TASOR: variants seen among roughly 807,000 people sequenced by gnomAD.
The protein encoded by TASOR is transcription activation suppressor, also known as protein TASOR.
In TASOR, 53 loss-of-function variants were observed where a neutral mutation model predicts 178.6. That is an observed-to-expected ratio of 0.30 (90% CI 0.24 to 0.37). TASOR has a LOEUF of 0.37. Among genes scored for constraint, TASOR ranks in the 10% least tolerant of loss-of-function variants. The pLI is 1.00. For missense variants in TASOR, 1,815 were observed against 1,971.4 expected (o/e 0.92, Z 1.50); for synonymous variants, 713 against 696.2 (o/e 1.02, Z -0.38).
At chr3:56,626,737 C>CT (rs1451090923) in intron 21 of TASOR, among the ~76,000 whole-genome samples, 1 of 150,840 alleles carries the variant, frequency 6.6e-6, no homozygotes, top group African/African-American at 2.4e-5. Flanking sequence ...AAGCAAAACT[C>CT]TATCTCAAAA....
chr3:56,624,656 A>G lies in TASOR; in HGVS notation c.4319-13T>C. The G allele has an allele frequency of 1.2e-6, 2 of 1,604,318 alleles. No individual in the cohort carries two copies. The highest frequency in any genetic ancestry group is 1.1e-5 in the South Asian group (1 of 89,712). ...TTGATGTTCTTCTCTAAATTAAGAAAAAAAGTTTCATGTATGAAACACTTC... is the reference window on the plus strand; with the variant it reads ...TTGATGTTCTTCTCTAAATTAAGAAGAAAAGTTTCATGTATGAAACACTTC... On this transcript the variant is annotated splice_polypyrimidine_tract_variant and intron_variant, in intron 22 of 23. Transcript: ENST00000683822.
intron 7 of TASOR, among the ~76,000 whole-genome samples, chr3:56,664,992 C>A (rs1344166477): frequency 2.6e-5 from 4 of 152,104 alleles, no homozygotes; most frequent in African/African-American, 9.7e-5. Context: ...CTGGCCAACA[C>A]AGCAAGACCC....
intron 10 of TASOR, 28 bp downstream of exon 10, chr3:56,660,886 G>A: frequency 1.2e-6 from 2 of 1,604,528 alleles, no homozygotes; most frequent in Non-Finnish European, 1.7e-6. Context: ...TGCTTCTAAT[G>A]CATTTCAATA....
chr3:56,658,144 T>A (rs934497102), intron 11 of TASOR, among the ~76,000 whole-genome samples: 1 of 152,224 alleles, frequency 6.6e-6, no homozygotes, highest in African/African-American at 2.4e-5. Context: ...GACGGAATAA[T>A]CCCAGTGAGG....
At chr3:56,675,252 G>A (rs1422630598) in intron 1 of TASOR, among the ~76,000 whole-genome samples, 1 of 150,592 alleles carries the variant, frequency 6.6e-6, no homozygotes, top group Non-Finnish European at 1.5e-5. Context: ...TTGGTTCACT[G>A]CAACCTCCGC....
chr3:56,625,928 A>G (rs560528254), intron 21 of TASOR, among the ~76,000 whole-genome samples: 1 of 152,192 alleles, frequency 6.6e-6, no homozygotes, highest in African/African-American at 2.4e-5. Flanking sequence ...GGCCAGCTCT[A>G]AGCTGTTTCT....
rs1315972647 is a variant in TASOR, at chr3:56,673,654, G to A, written c.403C>T (p.Leu135Phe). 1 of 1,551,184 alleles carries A rather than the reference G, an allele frequency of 6.4e-7. No individual in the cohort carries two copies. Among genetic ancestry groups the A allele is most frequent in the Admixed American group, 2.0e-5 (1 of 50,956 alleles). Reference protein sequence around the residue: ...DVVNILHSSYLEPTSVTNFNY... With the variant: ...DVVNILHSSYFEPTSVTNFNY... ...AAATTTGTTACTGAGGTTGGTTCAA[G>A]GTAAGAAGAATGGAGAATATTTACA... The change falls in exon 2 of 24, where the codon CTT (leucine) becomes TTT (phenylalanine). Residue 135 changes from leucine to phenylalanine, a missense_variant. Leu to Phe is a conservative substitution (Grantham distance 22). This residue lies in a region of TASOR where 244 missense variants were observed against 202.7 expected (regional missense o/e 1.20). Coordinates refer to ENST00000683822, the MANE Select transcript of TASOR (RefSeq NM_001365635.2).
Position 56,662,459 on chromosome 3 carries a change from C to T in TASOR, c.1086G>A (p.Gln362=), listed in dbSNP as rs1357047473. 6.5e-7 allele frequency: 1 copy of T among 1,540,860 alleles called. No individual in the cohort carries two copies. Among genetic ancestry groups the T allele is most frequent in the Non-Finnish European group, 8.8e-7 (1 of 1,139,524 alleles). The change falls in exon 9 of 24, where the codon CAG becomes CAA. Residue 362 remains glutamine, a synonymous_variant. Coordinates refer to ENST00000683822, the MANE Select transcript of TASOR (RefSeq NM_001365635.2). The part of the protein sequence containing the change: ...DKYNYTLWKG[Q]LLNKGKLLCY... ...ACAAAAGTTTTCCTTTATTTAAAAG[C>T]TGTCCTTTCCACAAGGTATAGTTAT...
In TASOR at chr3:56,621,285, T is replaced by C. The variant is rs928138220; in HGVS notation, c.*1752A>G. On this transcript the variant is annotated 3_prime_UTR_variant, in exon 24 of 24. Transcript: ENST00000683822. Reference sequence around the variant, plus strand: ...ATGACTTCATTTACCCCCATAGTTATGGAGTCTTGAGTTCTAAGAAAATTT... The same window carrying C: ...ATGACTTCATTTACCCCCATAGTTACGGAGTCTTGAGTTCTAAGAAAATTT... 6.5e-6 allele frequency: 2 copies of C among 307,388 alleles called. No individual in the cohort carries two copies. Among genetic ancestry groups the C allele is most frequent in the Non-Finnish European group, 1.2e-5 (2 of 167,328 alleles). The allele number at this position is 307,388 out of a possible 1,614,324, so 19.0% of individuals were successfully genotyped here.
Position 56,621,221 on chromosome 3 carries a change from G to GTATC in TASOR, c.*1812_*1815dup, listed in dbSNP as rs1213716717. 1 of 201,302 alleles carries GTATC rather than the reference G, an allele frequency of 5.0e-6. No individual in the cohort carries two copies. The highest frequency in any genetic ancestry group is 1.0e-5 in the Non-Finnish European group (1 of 100,394). 12.5% of individuals were successfully genotyped at this position (201,302 alleles called of 1,614,324 possible). On this transcript the variant is annotated 3_prime_UTR_variant, in exon 24 of 24. Coordinates refer to ENST00000683822, the MANE Select transcript of TASOR (RefSeq NM_001365635.2). ...CTGTATGTTAAGGGAGACTCCTTCA[G>GTATC]TATCTAAGAGCACTTGGGGGTGGAC...
rs752982935 is a variant in TASOR at position 56,624,991 on chromosome 3, A to G, written c.4155T>C (p.Ala1385=). ...CATTCAGAAGCGTCAACAGACTTAGAGCTTTAGCATTCAATCTGTGAAATT... is the reference window on the plus strand; with the variant it reads ...CATTCAGAAGCGTCAACAGACTTAGGGCTTTAGCATTCAATCTGTGAAATT... The part of the protein sequence containing the change: ...LKELGRLNAK[A]LSLLTLLNVY... The change falls in exon 22 of 24, where the codon GCT becomes GCC. Residue 1385 remains alanine, a synonymous_variant. Transcript: ENST00000683822. The G allele has an allele frequency of 6.2e-7, 1 of 1,613,992 alleles. No individual in the cohort carries two copies. Among genetic ancestry groups the G allele is most frequent in the Non-Finnish European group, 8.5e-7 (1 of 1,179,958 alleles).
intron 14 of TASOR, among the ~76,000 whole-genome samples, chr3:56,646,156 T>C (rs1406559042): frequency 6.6e-6 from 1 of 152,006 alleles, no homozygotes; most frequent in Non-Finnish European, 1.5e-5. Flanking sequence ...TCAAAAAAAA[T>C]AAAGGAATAT....
intron 14 of TASOR, among the ~76,000 whole-genome samples, chr3:56,643,262 T>TAA (rs71621833): frequency 5.1e-5 from 7 of 138,418 alleles, no homozygotes; most frequent in South Asian, 2.3e-4. Context: ...GACTCCATCT[T>TAA]AAAAAAAAAA....
Position 56,670,889 on chromosome 3 carries a change from C to T in TASOR, c.570+711G>A, listed in dbSNP as rs1192403216. On this transcript the variant is annotated intron_variant, in intron 3 of 23. Coordinates refer to ENST00000683822, the MANE Select transcript of TASOR (RefSeq NM_001365635.2). ...GAGAAGGAGGTTGCAGTGAGTGAGCCGCGATCACACCATTTAACTCCAGCC... is the reference window on the plus strand; with the variant it reads ...GAGAAGGAGGTTGCAGTGAGTGAGCTGCGATCACACCATTTAACTCCAGCC... Among the ~76,000 whole-genome samples, 9 of 132,654 alleles carry T rather than the reference C, an allele frequency of 6.8e-5. No homozygotes were observed. The East Asian group carries it at 1.5e-3, about 22-fold the overall frequency. 87.0% of individuals were successfully genotyped at this position (132,654 alleles called of 152,430 possible). A position where few individuals can be genotyped will look rare whatever the true frequency, so the allele number is the denominator to read the frequency against.
At chr3:56,650,821 T>C (rs1458812772) in intron 11 of TASOR, among the ~76,000 whole-genome samples, 2 of 152,236 alleles carry the variant, frequency 1.3e-5, no homozygotes, top group Non-Finnish European at 2.9e-5. Context: ...GCTAAGTCTC[T>C]TAGAGTATAC....
intron 16 of TASOR, among the ~76,000 whole-genome samples, chr3:56,639,650 C>T (rs1387971325): frequency 1.3e-5 from 2 of 152,208 alleles, no homozygotes; most frequent in East Asian, 1.9e-4. Context: ...GTCCAAAGAG[C>T]ACCATTTTAT....
intron 1 of TASOR, among the ~76,000 whole-genome samples, chr3:56,674,281 G>A (rs2031056719): frequency 6.7e-6 from 1 of 148,996 alleles, no homozygotes; most frequent in African/African-American, 2.5e-5. Flanking sequence ...CAGCAAGACT[G>A]CTTGAGCTCA....
chr3:56,645,092 G>A, intron 14 of TASOR, among the ~76,000 whole-genome samples: 1 of 152,074 alleles, frequency 6.6e-6, no homozygotes, highest in South Asian at 2.1e-4. Flanking sequence ...TGGCCAACAT[G>A]GCAAAACCCC....
chr3:56,643,841 GA>G (rs1173073069), intron 14 of TASOR, among the ~76,000 whole-genome samples: 2 of 150,542 alleles, frequency 1.3e-5, no homozygotes, highest in Non-Finnish European at 3.0e-5. Context: ...TACTTAAAAA[GA>G]AATAAGTAAG....
Sources: allele counts gnomAD v4.1 joint callset (sites outside exome capture counted in the v4.1 genomes callset), GRCh38; gene constraint gnomAD v4.1.1; regional missense constraint gnomAD v4.1.1; transcripts MANE v1.5; gene names NCBI Gene and HGNC (gene_info 2026-07-23, HGNC 2026-07-21).